The following DSCAM variants were observed in gnomAD, a reference collection of about 807,000 sequenced individuals.
DSCAM encodes cell adhesion molecule DSCAM.
In DSCAM, 47 loss-of-function variants were observed where a neutral mutation model predicts 217.7. The ratio of observed to expected loss-of-function variants is 0.22; its 90% CI spans 0.17 to 0.28. DSCAM has a LOEUF of 0.28. Ranked by LOEUF, DSCAM falls within the 10% of genes least tolerant of loss-of-function variation. The pLI, the probability that DSCAM is intolerant of heterozygous loss-of-function variation, is 1.00. For missense variants in DSCAM, 2,080 were observed against 2,618.3 expected (o/e 0.79, Z 4.49); for synonymous variants, 1,056 against 1,015.3 (o/e 1.04, Z -0.76).
At chr21:40,759,468 C>T (rs924889168) in intron 1 of DSCAM, among the ~76,000 whole-genome samples, 2 of 152,316 alleles carry the variant, frequency 1.3e-5, no homozygotes. Context: ...GCACGTGACT[C>T]GCTTGTGCCC....
chr21:40,759,499 C>T (rs1341366664), intron 1 of DSCAM, among the ~76,000 whole-genome samples: 4 of 152,168 alleles, frequency 2.6e-5, no homozygotes, highest in Admixed American at 2.6e-4. Flanking sequence ...GGATAAATAC[C>T]CATATCCCTG....
At chr21:40,201,257 C>T (rs781017337) in intron 11 of DSCAM, among the ~76,000 whole-genome samples, 19 of 152,240 alleles carry the variant, frequency 1.2e-4, no homozygotes, top group Middle Eastern at 3.4e-3. Context: ...GAAGTTATTT[C>T]AAGTCACATT....
At chr21:40,590,715 T>G (rs1192546076) in intron 3 of DSCAM, among the ~76,000 whole-genome samples, 3 of 152,168 alleles carry the variant, frequency 2.0e-5, no homozygotes, top group East Asian at 1.9e-4. Context: ...CTTTTGTAAC[T>G]TTTGAACATT....
intron 3 of DSCAM, among the ~76,000 whole-genome samples, chr21:40,597,932 A>G (rs542348330): frequency 6.6e-6 from 1 of 152,318 alleles, no homozygotes; most frequent in East Asian, 1.9e-4. Context: ...ATCTTGCAAC[A>G]GTGTGAGGAA....
intron 3 of DSCAM, among the ~76,000 whole-genome samples, chr21:40,495,945 T>A (rs1568852436): frequency 6.6e-6 from 1 of 152,070 alleles, no homozygotes; most frequent in Admixed American, 6.6e-5. Context: ...TGCCAAAAAA[T>A]AGTAAAATAT....
At chr21:40,644,835 C>T (rs945607201) in intron 3 of DSCAM, among the ~76,000 whole-genome samples, 2 of 152,154 alleles carry the variant, frequency 1.3e-5, no homozygotes, top group Non-Finnish European at 2.9e-5. Context: ...CTGGACAACT[C>T]ACAGTCAAAA....
intron 30 of DSCAM, among the ~76,000 whole-genome samples, chr21:40,051,746 A>G (rs534500376): frequency 6.6e-6 from 1 of 152,370 alleles, no homozygotes; most frequent in South Asian, 2.1e-4. Context: ...CACTTTTTAT[A>G]GTAACCAATA....
chr21:40,246,311 G>GTTCAAGAC (rs2146951590), intron 11 of DSCAM, among the ~76,000 whole-genome samples: 1 of 110,310 alleles, frequency 9.1e-6, no homozygotes, highest in African/African-American at 3.5e-5. Context: ...GAGGTCAAAA[G>GTTCAAGAC]TTCAAGACCA....
intron 19 of DSCAM, 147 bp downstream of exon 19, chr21:40,133,706 TG>T: frequency 1.3e-6 from 1 of 781,078 alleles, no homozygotes; most frequent in Non-Finnish European, 1.9e-6. Context: ...AGGAAGTTAA[TG>T]GTCTGAATTG....
chr21:40,743,833 T>C (rs551954375), intron 1 of DSCAM, among the ~76,000 whole-genome samples: 97 of 152,186 alleles, frequency 6.4e-4, no homozygotes, highest in African/African-American at 2.2e-3. Flanking sequence ...GACCAATAGA[T>C]CTAAATACAA....
intron 3 of DSCAM, among the ~76,000 whole-genome samples, chr21:40,469,162 A>G (rs899204226): frequency 6.6e-6 from 1 of 152,218 alleles, no homozygotes; most frequent in African/African-American, 2.4e-5. Context: ...CAGCTAAAAG[A>G]CAATGGAGAA....
At chr21:40,536,677 A>T (rs939094335) in intron 3 of DSCAM, among the ~76,000 whole-genome samples, 4 of 152,160 alleles carry the variant, frequency 2.6e-5, no homozygotes, top group African/African-American at 7.2e-5. Flanking sequence ...AAGTGCAGGG[A>T]TTACAGGCGT....
chr21:40,434,298 G>A (rs977268495), intron 3 of DSCAM, among the ~76,000 whole-genome samples: 1 of 152,258 alleles, frequency 6.6e-6, no homozygotes, highest in African/African-American at 2.4e-5. Flanking sequence ...GCAGAGAGCA[G>A]TGTGCTCATG....
At chr21:40,201,080 T>C (rs968478129) in intron 11 of DSCAM, among the ~76,000 whole-genome samples, 4 of 152,198 alleles carry the variant, frequency 2.6e-5, no homozygotes, top group African/African-American at 4.8e-5. Context: ...ATTATAACCG[T>C]TAATCAAATT....
At chr21:40,202,676 C>G (rs2091082997) in intron 11 of DSCAM, among the ~76,000 whole-genome samples, 1 of 152,242 alleles carries the variant, frequency 6.6e-6, no homozygotes, top group East Asian at 1.9e-4. Context: ...TTTGATCCTT[C>G]CTTCAACGTT....
intron 3 of DSCAM, among the ~76,000 whole-genome samples, chr21:40,680,555 T>C (rs986709363): frequency 8.5e-6 from 1 of 117,540 alleles, no homozygotes; most frequent in East Asian, 2.4e-4. Context: ...GATCTGTGTA[T>C]TTTTGCTTAT....
chr21:40,296,031 C>T, intron 10 of DSCAM, 24 bp downstream of exon 10: 4 of 1,607,552 alleles, frequency 2.5e-6, no homozygotes, highest in Non-Finnish European at 3.4e-6. Context: ...TGACAGGTAA[C>T]AAGTAGATCA....
At chr21:40,133,830 A>T (rs1387896425) in intron 19 of DSCAM, 24 bp downstream of exon 19, 1 of 1,578,352 alleles carries the variant, frequency 6.3e-7, no homozygotes. Flanking sequence ...AACTGCTGGG[A>T]CCCACCGCCC....
intron 8 of DSCAM, among the ~76,000 whole-genome samples, chr21:40,320,109 T>C (rs778518000): frequency 2.0e-5 from 3 of 152,082 alleles, no homozygotes; most frequent in Non-Finnish European, 4.4e-5. Flanking sequence ...ACCTAGGTGA[T>C]GGGTTGAGAG....
Sources: gnomAD v4.1 joint callset for allele counts (sites outside exome capture counted in the v4.1 genomes callset) on GRCh38, gnomAD v4.1.1 for gene constraint, MANE v1.5 for transcripts, NCBI Gene and HGNC (gene_info 2026-07-23, HGNC 2026-07-21) for gene names.